Variants in PRKG1 observed in about 807,000 individuals in gnomAD.
The protein encoded by PRKG1 is protein kinase cGMP-dependent 1, also known as cGMP-dependent protein kinase 1.
In PRKG1, 35 loss-of-function variants were observed where a neutral mutation model predicts 88.1. That is an observed-to-expected ratio of 0.40 (90% CI 0.30 to 0.53). PRKG1 has a LOEUF of 0.53. Ranked by LOEUF, PRKG1 falls within the 20% of genes least tolerant of loss-of-function variation. The pLI is 0.59. For synonymous variants in PRKG1, 303 were observed against 292.5 expected (o/e 1.04, Z -0.37); for missense variants, 540 against 839.8 (o/e 0.64, Z 4.41).
intron 5 of PRKG1, among the ~76,000 whole-genome samples, chr10:51,919,905 A>G (rs537642447): frequency 3.3e-5 from 5 of 152,306 alleles, no homozygotes; most frequent in African/African-American, 1.2e-4. Context: ...CCTGGTACTT[A>G]TTAAATAAAC....
Position 51,332,060 on chromosome 10 carries a change from T to C in PRKG1, c.479-135663T>C, listed in dbSNP as rs142891838. Among the ~76,000 whole-genome samples the C allele has an allele frequency of 2.1e-3, 317 of 152,302 alleles. 3 individuals are homozygous for C. Among genetic ancestry groups the C allele is most frequent in the Admixed American group, 0.019 (294 of 15,296 alleles). On this transcript the variant is annotated intron_variant, in intron 2 of 17. Transcript: ENST00000373980. ...ACATTCTTTTGACATGAAATCTTAA[T>C]GAAGGGAAAGACTTACCTCATCAAA...
At chr10:51,922,132 G>T (rs1842475330) in intron 5 of PRKG1, among the ~76,000 whole-genome samples, 1 of 151,670 alleles carries the variant, frequency 6.6e-6, no homozygotes. Flanking sequence ...GTGTGTTTTG[G>T]TAGATCATGT....
chr10:51,305,438 G>C (rs1277186145), intron 2 of PRKG1, among the ~76,000 whole-genome samples: 1 of 152,176 alleles, frequency 6.6e-6, no homozygotes, highest in East Asian at 1.9e-4. Context: ...AGATGCATTT[G>C]TTAAAGGGCT....
At chr10:51,914,983 C>T (rs1431156441) in intron 5 of PRKG1, among the ~76,000 whole-genome samples, 1 of 152,160 alleles carries the variant, frequency 6.6e-6, no homozygotes, top group Admixed American at 6.5e-5. Context: ...GTAGGAAGTA[C>T]ATATCAGATT....
At chr10:51,510,468 G>T (rs1157359114) in intron 3 of PRKG1, among the ~76,000 whole-genome samples, 1 of 151,996 alleles carries the variant, frequency 6.6e-6, no homozygotes, top group Non-Finnish European at 1.5e-5. Context: ...CATAATGAAA[G>T]TTATGTTTAT....
intron 4 of PRKG1, among the ~76,000 whole-genome samples, chr10:51,817,344 C>A (rs1333896605): frequency 1.2e-5 from 1 of 84,346 alleles, no homozygotes; most frequent in Non-Finnish European, 2.5e-5. Context: ...CTATCCCTCC[C>A]CAACCCCCCC....
At chr10:52,183,319 G>A (rs930622705) in intron 9 of PRKG1, among the ~76,000 whole-genome samples, 21 of 152,220 alleles carry the variant, frequency 1.4e-4, no homozygotes, top group Non-Finnish European at 2.9e-4. Flanking sequence ...ATGCAAGAAA[G>A]TGGGTACAAA....
At chr10:51,769,948 C>T (rs909951565) in intron 3 of PRKG1, among the ~76,000 whole-genome samples, 16 of 152,148 alleles carry the variant, frequency 1.1e-4, no homozygotes, top group East Asian at 3.8e-4. Context: ...CATCCTGGGC[C>T]GCATGTGGCC....
intron 3 of PRKG1, chr10:51,697,409 T>A: frequency 2.6e-6 from 1 of 385,394 alleles, no homozygotes; most frequent in Non-Finnish European, 4.7e-6. Flanking sequence ...ATACTGTAGA[T>A]GCTTCAATAT....
chr10:52,251,166 GC>G (rs1183314649), intron 9 of PRKG1, among the ~76,000 whole-genome samples: 2 of 152,142 alleles, frequency 1.3e-5, no homozygotes, highest in Non-Finnish European at 2.9e-5. Context: ...ATGAGAAACT[GC>G]CATCCGAAAT....
intron 3 of PRKG1, among the ~76,000 whole-genome samples, chr10:51,588,569 A>G (rs1034541030): frequency 6.6e-6 from 1 of 152,200 alleles, no homozygotes; most frequent in African/African-American, 2.4e-5. Context: ...ATTTTTAACA[A>G]GGAGAACTTG....
intron 3 of PRKG1, among the ~76,000 whole-genome samples, chr10:51,549,750 G>A (rs1842535879): frequency 6.6e-6 from 1 of 152,038 alleles, no homozygotes. Context: ...TTAAGATTAG[G>A]GTGATGAGAC....
chr10:51,078,778 G>T (rs1037659348), intron 1 of PRKG1, among the ~76,000 whole-genome samples: 1 of 151,512 alleles, frequency 6.6e-6, no homozygotes, highest in Non-Finnish European at 1.5e-5. Context: ...CACCACGCCC[G>T]GCTAATTTTT....
chr10:51,924,494 T>A (rs567044177), intron 5 of PRKG1, among the ~76,000 whole-genome samples: 2 of 152,276 alleles, frequency 1.3e-5, no homozygotes, highest in South Asian at 4.1e-4. Context: ...TTCATCAGTT[T>A]GATGTGATAC....
At chr10:52,105,586 A>T (rs1847398753) in intron 7 of PRKG1, among the ~76,000 whole-genome samples, 1 of 151,380 alleles carries the variant, frequency 6.6e-6, no homozygotes, top group Admixed American at 6.6e-5. Context: ...GTGAACTTGC[A>T]CTTTTATTTA....
intron 5 of PRKG1, among the ~76,000 whole-genome samples, chr10:51,948,583 A>T (rs1843112274): frequency 6.6e-6 from 1 of 151,594 alleles, no homozygotes; most frequent in South Asian, 2.1e-4. Context: ...AGTAATTTTA[A>T]AAGAATACAT....
At chr10:51,301,510 C>G (rs1009646218) in intron 2 of PRKG1, among the ~76,000 whole-genome samples, 1 of 152,164 alleles carries the variant, frequency 6.6e-6, no homozygotes, top group African/African-American at 2.4e-5. Flanking sequence ...TGAGCCACTT[C>G]AAAATGTGCA....
At chr10:52,084,527 A>G (rs940772258) in intron 7 of PRKG1, among the ~76,000 whole-genome samples, 2 of 152,038 alleles carry the variant, frequency 1.3e-5, no homozygotes, top group Non-Finnish European at 2.9e-5. Context: ...ACATTTTGCT[A>G]CATTTGTTTC....
At chr10:52,265,997 TA>T (rs1470614640) in intron 10 of PRKG1, among the ~76,000 whole-genome samples, 1 of 152,070 alleles carries the variant, frequency 6.6e-6, no homozygotes, top group Non-Finnish European at 1.5e-5. Flanking sequence ...TTTCCCTTTT[TA>T]GGAATTTTGA....
Sources: gnomAD v4.1 joint callset for allele counts (sites outside exome capture counted in the v4.1 genomes callset) on GRCh38, gnomAD v4.1.1 for gene constraint, MANE v1.5 for transcripts, NCBI Gene and HGNC (gene_info 2026-07-23, HGNC 2026-07-21) for gene names.